Variants in TANGO2 observed in about 807,000 individuals in gnomAD.
The protein encoded by TANGO2 is transport and Golgi organization protein 2 homolog.
A neutral mutation model predicts 39.1 loss-of-function variants in TANGO2; 26 were observed. The observed-to-expected ratio is 0.67, with a 90% confidence interval of 0.49 to 0.92. The LOEUF (loss-of-function observed/expected upper bound fraction) is 0.92. TANGO2 is among the 40% of genes least tolerant of loss of function. The pLI is 0.00. For missense variants in TANGO2, 326 were observed against 360.1 expected (o/e 0.91, Z 0.77); for synonymous variants, 131 against 144.5 (o/e 0.91, Z 0.67).
At chr22:20,051,526 T>A (rs1020232614) in intron 3 of TANGO2, among the ~76,000 whole-genome samples, 5 of 151,866 alleles carry the variant, frequency 3.3e-5, no homozygotes, top group African/African-American at 1.2e-4. Context: ...AGCGAAACTC[T>A]GTCTCAAAAA....
intron 1 of TANGO2, among the ~76,000 whole-genome samples, chr22:20,024,946 G>C (rs1433183173): frequency 6.6e-6 from 1 of 151,994 alleles, no homozygotes; most frequent in Non-Finnish European, 1.5e-5. Context: ...GTCTTCTCTT[G>C]CTTTCTGTGA....
At chr22:20,017,468 C>A (rs1486058346), upstream of TANGO2, among the ~76,000 whole-genome samples, 2 of 152,216 alleles carry the variant, frequency 1.3e-5, no homozygotes, top group East Asian at 3.9e-4. Flanking sequence ...GAAGGGACCC[C>A]CTCGGTAAAC....
chr22:20,021,761 T>G (rs1039723840), intron 1 of TANGO2, among the ~76,000 whole-genome samples: 14 of 152,298 alleles, frequency 9.2e-5, no homozygotes, highest in Non-Finnish European at 1.9e-4. Flanking sequence ...CCGCTGGGCT[T>G]TGTAGCAGCC....
At position 20,043,421 on chromosome 22, in the gene TANGO2, GAAC is replaced by G. The variant is rs1569282438; in HGVS notation, c.130_132del (p.Asn44del). 1.9e-6 allele frequency: 3 copies of G among 1,613,150 alleles called. No individual in the cohort carries two copies. The highest frequency in any genetic ancestry group is 1.7e-6 in the Non-Finnish European group (2 of 1,179,268). ...CCTCCAAGTTAGCTGACTTCTGGGG[GAAC>G]AACAACGAGATCCTCAGTGGTGAGT... On this transcript the variant is annotated inframe_deletion, in exon 3 of 9. Transcript: ENST00000327374.
chr22:20,036,922 C>G, intron 2 of TANGO2, 68 bp downstream of exon 2: 1 of 1,614,132 alleles, frequency 6.2e-7, no homozygotes. Flanking sequence ...TCTCATGCCA[C>G]CCAAGCTGCT....
At chr22:20,058,050 A>G (rs2047694297) in intron 6 of TANGO2, 1 of 150,946 alleles carries the variant, frequency 6.6e-6, no homozygotes, top group South Asian at 2.1e-4. Context: ...ATAAAGTTTT[A>G]TTGAGATATG....
intron 7 of TANGO2, among the ~76,000 whole-genome samples, chr22:20,062,549 G>T (rs2048576865): frequency 1.3e-5 from 2 of 152,232 alleles, no homozygotes; most frequent in South Asian, 4.1e-4. Flanking sequence ...GCCCCACCTG[G>T]GCATGCCCAG....
intron 6 of TANGO2, chr22:20,056,667 C>A: frequency 2.2e-6 from 1 of 456,698 alleles, no homozygotes; most frequent in Non-Finnish European, 4.4e-6. Context: ...CACATTGCCC[C>A]CCTCTGCAGC....
At chr22:20,046,166 G>A (rs2045146164) in intron 3 of TANGO2, among the ~76,000 whole-genome samples, 1 of 151,316 alleles carries the variant, frequency 6.6e-6, no homozygotes, top group Non-Finnish European at 1.5e-5. Context: ...TTTTTTTTGA[G>A]ATAGGGTCTC....
chr22:20,043,490 C>T (rs773842378), intron 3 of TANGO2, 47 bp downstream of exon 3: 4 of 1,397,546 alleles, frequency 2.9e-6, no homozygotes, highest in African/African-American at 2.8e-5. Context: ...TGTTGCTTCC[C>T]TAGCCCCTGC....
chr22:20,050,076 T>C (rs2046010731), intron 3 of TANGO2, among the ~76,000 whole-genome samples: 1 of 151,910 alleles, frequency 6.6e-6, no homozygotes, highest in Admixed American at 6.6e-5. Flanking sequence ...CTAGGTGTGG[T>C]GGTGGGCACC....
chr22:20,037,146 TGAG>T (rs2043003978), intron 2 of TANGO2: 2 of 1,492,124 alleles, frequency 1.3e-6, no homozygotes, highest in Non-Finnish European at 1.8e-6. Context: ...CTATGGGCTT[TGAG>T]GAGGGTCGGG....
intron 2 of TANGO2, chr22:20,037,056 A>G: frequency 6.5e-7 from 1 of 1,545,678 alleles, no homozygotes; most frequent in Non-Finnish European, 8.7e-7. Context: ...CAGTCAATGT[A>G]CAAAGACGTG....
At chr22:20,029,579 C>T (rs2041449433) in intron 1 of TANGO2, among the ~76,000 whole-genome samples, 1 of 152,172 alleles carries the variant, frequency 6.6e-6, no homozygotes, top group African/African-American at 2.4e-5. Flanking sequence ...TCTCATAGAT[C>T]CTCTGGCCAG....
rs924847938 is a variant in TANGO2, at chr22:20,064,611, G to C, written c.780G>C (p.Lys260Asn). The C allele has an allele frequency of 8.1e-6, 13 of 1,614,072 alleles. 1 individual carries two copies. In the Admixed American group the frequency reaches 2.2e-4, roughly 27 times the overall value. ...VTFTERSMMDKDLSHWETRTY... is the reference protein window; with the variant it reads ...VTFTERSMMDNDLSHWETRTY... ...TCACTGAGCGTAGCATGATGGACAA[G>C]GACCTCTCCCACTGGGAGACCAGAA... Residue 260 changes from lysine (K) to asparagine (N), a missense_variant, in exon 9 of 9, where the codon AAG (lysine) becomes AAC (asparagine). By Grantham distance (94) the Lys-to-Asn change is moderately conservative. Coordinates refer to ENST00000327374, the MANE Select transcript of TANGO2 (RefSeq NM_152906.7).
intron 8 of TANGO2, chr22:20,063,715 G>A: frequency 2.5e-6 from 1 of 398,952 alleles, no homozygotes; most frequent in East Asian, 4.0e-5. Context: ...ATCCCTGCGG[G>A]CAAACGCCCC....
At chr22:20,024,017 A>G (rs2040249906) in intron 1 of TANGO2, among the ~76,000 whole-genome samples, 1 of 152,080 alleles carries the variant, frequency 6.6e-6, no homozygotes, top group Admixed American at 6.5e-5. Flanking sequence ...CCCCGTCCCT[A>G]CTAAAAACAA....
intron 6 of TANGO2, chr22:20,056,665 C>G (rs1173729265): frequency 4.4e-6 from 2 of 456,558 alleles, no homozygotes; most frequent in Admixed American, 4.7e-5. Context: ...GTCACATTGC[C>G]CCCCTCTGCA....
At chr22:20,062,628 C>G (rs1426719139) in intron 7 of TANGO2, among the ~76,000 whole-genome samples, 1 of 152,260 alleles carries the variant, frequency 6.6e-6, no homozygotes, top group Admixed American at 6.5e-5. Flanking sequence ...CGAGGACCGG[C>G]CCTGGCTGCC....
Sources: allele counts gnomAD v4.1 joint callset (sites outside exome capture counted in the v4.1 genomes callset), GRCh38; gene constraint gnomAD v4.1.1; transcripts MANE v1.5; gene names NCBI Gene and HGNC (gene_info 2026-07-23, HGNC 2026-07-21).